The following PTPN4 variants were observed in gnomAD, a reference collection of about 807,000 sequenced individuals.
PTPN4 encodes protein tyrosine phosphatase non-receptor type 4.
A neutral mutation model predicts 135.5 loss-of-function variants in PTPN4; 49 were observed. The ratio of observed to expected loss-of-function variants is 0.36; its 90% CI spans 0.29 to 0.46. PTPN4 has a LOEUF of 0.46. Among genes scored for constraint, PTPN4 ranks in the 20% least tolerant of loss-of-function variants. PTPN4 has a pLI of 1.00. For synonymous variants in PTPN4, 333 were observed against 369.9 expected (o/e 0.90, Z 1.14); for missense variants, 860 against 1,101.0 (o/e 0.78, Z 3.10).
intron 2 of PTPN4, among the ~76,000 whole-genome samples, chr2:119,861,046 CAA>C (rs58044995): frequency 1.8e-4 from 20 of 112,518 alleles, no homozygotes; most frequent in Admixed American, 4.5e-4. Context: ...AACTCCATCT[CAA>C]AAAAAAAAAA....
At chr2:119,969,724 A>G (rs1186318262) in intron 26 of PTPN4, among the ~76,000 whole-genome samples, 1 of 151,784 alleles carries the variant, frequency 6.6e-6, no homozygotes, top group Admixed American at 6.6e-5. Flanking sequence ...ATGCCCTGCT[A>G]ATTTTTTGTA....
At chr2:119,795,749 C>T (rs966994733) in intron 1 of PTPN4, among the ~76,000 whole-genome samples, 1 of 152,242 alleles carries the variant, frequency 6.6e-6, no homozygotes, top group African/African-American at 2.4e-5. Context: ...TCTGCCTGCT[C>T]CTGGCTTCCA....
intron 1 of PTPN4, among the ~76,000 whole-genome samples, chr2:119,762,966 GC>G (rs1690535666): frequency 6.6e-6 from 1 of 152,068 alleles, no homozygotes; most frequent in Non-Finnish European, 1.5e-5. Flanking sequence ...TTTATTGTTT[GC>G]CAGGAAAGCA....
chr2:119,841,160 G>A (rs975211360), intron 2 of PTPN4, among the ~76,000 whole-genome samples: 5 of 150,772 alleles, frequency 3.3e-5, no homozygotes, highest in African/African-American at 4.9e-5. Flanking sequence ...TATTTTAACC[G>A]CCCACCAGAT....
chr2:119,806,481 G>A (rs1375316643), intron 1 of PTPN4, among the ~76,000 whole-genome samples: 2 of 152,084 alleles, frequency 1.3e-5, no homozygotes, highest in African/African-American at 2.4e-5. Flanking sequence ...AGACAAAGAC[G>A]GCCATTACAT....
At chr2:119,768,156 A>G (rs571934947) in intron 1 of PTPN4, among the ~76,000 whole-genome samples, 1 of 152,148 alleles carries the variant, frequency 6.6e-6, no homozygotes, top group East Asian at 1.9e-4. Context: ...TATATTAGTT[A>G]CTGTCATTTT....
chr2:119,831,421 ACT>A (rs1351288500), intron 2 of PTPN4, among the ~76,000 whole-genome samples: 4 of 151,808 alleles, frequency 2.6e-5, no homozygotes, highest in East Asian at 1.9e-4. Context: ...TTATTTTTGG[ACT>A]CTCTATTATT....
intron 2 of PTPN4, among the ~76,000 whole-genome samples, chr2:119,860,114 T>TA (rs1328017793): frequency 2.0e-5 from 3 of 152,220 alleles, no homozygotes; most frequent in Non-Finnish European, 4.4e-5. Flanking sequence ...CAACCAAAGG[T>TA]ACATTGGATT....
At chr2:119,832,948 G>A (rs1677240201) in intron 2 of PTPN4, among the ~76,000 whole-genome samples, 3 of 152,076 alleles carry the variant, frequency 2.0e-5, no homozygotes, top group Non-Finnish European at 4.4e-5. Context: ...GCTCTTTGAA[G>A]GTTGTTAGAA....
At chr2:119,764,713 G>A (rs1690576668) in intron 1 of PTPN4, among the ~76,000 whole-genome samples, 1 of 151,384 alleles carries the variant, frequency 6.6e-6, no homozygotes, top group South Asian at 2.1e-4. Context: ...AATTAAAATA[G>A]GAATAGCGTC....
chr2:119,769,447 G>A (rs1690696168), intron 1 of PTPN4, among the ~76,000 whole-genome samples: 1 of 152,202 alleles, frequency 6.6e-6, no homozygotes, highest in Non-Finnish European at 1.5e-5. Context: ...GGGGAGTGGG[G>A]AGCCAGGAAG....
chr2:119,935,503 T>TC (rs1678969209), intron 15 of PTPN4, among the ~76,000 whole-genome samples: 1 of 152,210 alleles, frequency 6.6e-6, no homozygotes, highest in Non-Finnish European at 1.5e-5. Flanking sequence ...GTCATGTTTG[T>TC]CCCTGGGTAG....
chr2:119,949,585 A>G (rs1679182833), intron 18 of PTPN4, among the ~76,000 whole-genome samples: 1 of 152,156 alleles, frequency 6.6e-6, no homozygotes, highest in Admixed American at 6.6e-5. Context: ...TCATGCCTAT[A>G]ATCTTAGCAC....
At position 119,882,501 on chromosome 2, in the gene PTPN4, A is replaced by T. The variant is rs1231290628; in HGVS notation, c.467-2A>T. 6.6e-7 allele frequency: 1 copy of T among 1,513,138 alleles called. No individual in the cohort carries two copies. Among genetic ancestry groups the T allele is most frequent in the Non-Finnish European group, 8.9e-7 (1 of 1,126,876 alleles). 93.7% of individuals were successfully genotyped at this position (1,513,138 alleles called of 1,614,324 possible). A position where few individuals can be genotyped will look rare whatever the true frequency, so the allele number is the denominator to read the frequency against. On this transcript the variant is annotated splice_acceptor_variant, in intron 7 of 26. Coordinates refer to ENST00000263708, the MANE Select transcript of PTPN4 (RefSeq NM_002830.4). LOFTEE classifies it high-confidence loss of function. The stretch of plus-strand genomic sequence containing the variant: ...ATGTGAATGTTTTCCTTTCATTATT[A>T]GCTGAACTTGGAGACTACGATCAGT...
At chr2:119,877,890 TG>T (rs111343014) in intron 5 of PTPN4, among the ~76,000 whole-genome samples, 4,413 of 133,704 alleles carry the variant, frequency 0.033, 88 homozygotes, top group African/African-American at 0.04. Flanking sequence ...GTGAGAAATT[TG>T]GGTTTTTTTT....
chr2:119,766,509 T>C (rs77425871), intron 1 of PTPN4, among the ~76,000 whole-genome samples: 1 of 149,862 alleles, frequency 6.7e-6, no homozygotes, highest in African/African-American at 2.5e-5. Context: ...TGTGTGTGTG[T>C]GAAATATCTC....
At chr2:119,841,488 A>C (rs1183362311) in intron 2 of PTPN4, among the ~76,000 whole-genome samples, 4 of 152,162 alleles carry the variant, frequency 2.6e-5, no homozygotes, top group Non-Finnish European at 5.9e-5. Context: ...GGTTCTTTTT[A>C]ATGATTGCAG....
chr2:119,803,299 A>G (rs1209301093), intron 1 of PTPN4, among the ~76,000 whole-genome samples: 5 of 152,022 alleles, frequency 3.3e-5, no homozygotes, highest in Non-Finnish European at 5.9e-5. Flanking sequence ...CCTGTTTTCT[A>G]TTGTATGCAT....
At chr2:119,944,513 GGA>G (rs1679105851) in intron 15 of PTPN4, among the ~76,000 whole-genome samples, 1 of 152,044 alleles carries the variant, frequency 6.6e-6, no homozygotes, top group East Asian at 1.9e-4. Flanking sequence ...AATGTTAATT[GGA>G]TTTTGTTTTC....
Sources: gnomAD v4.1 joint callset for allele counts (sites outside exome capture counted in the v4.1 genomes callset) on GRCh38, gnomAD v4.1.1 for gene constraint, MANE v1.5 for transcripts, NCBI Gene and HGNC (gene_info 2026-07-23, HGNC 2026-07-21) for gene names.